The following ADPRM variants were observed in gnomAD, a reference collection of about 807,000 sequenced individuals.
ADPRM encodes the protein ADP-ribose/CDP-alcohol diphosphatase, manganese dependent.
Under a neutral mutation model 27.2 loss-of-function variants are expected in ADPRM, and 17 were observed. That is an observed-to-expected ratio of 0.63 (90% confidence interval 0.43 to 0.94). The LOEUF is 0.94. Among genes scored for constraint, ADPRM ranks in the 40% least tolerant of loss-of-function variants. The pLI, the probability that ADPRM is intolerant of heterozygous loss-of-function variation, is 0.00. For synonymous variants in ADPRM, 135 were observed against 145.3 expected (o/e 0.93, Z 0.51); for missense variants, 337 against 412.8 (o/e 0.82, Z 1.59).
rs1454657635 is a variant in ADPRM, at chr17:10,702,531, A to G, written c.-17-2379A>G. ...TGTTTTCAGAAATCTCCATCTTTCCATCATTCAGAATTGTTTCTTTCTATG... is the reference window on the plus strand; with the variant it reads ...TGTTTTCAGAAATCTCCATCTTTCCGTCATTCAGAATTGTTTCTTTCTATG... On this transcript the variant is annotated intron_variant, in intron 1 of 3. Transcript: ENST00000379774. The surrounding 1 kb of genome is among the most constrained non-coding windows in gnomAD (Gnocchi z 4.2). 6.6e-6 allele frequency among the ~76,000 whole-genome samples: 1 copy of G among 152,190 alleles called. No individual in the cohort carries two copies. The highest frequency in any genetic ancestry group is 2.4e-5 in the African/African-American group (1 of 41,448).
Position 10,711,510 on chromosome 17 carries a change from T to A in ADPRM, c.*366T>A, listed in dbSNP as rs2074853218. Among the ~76,000 whole-genome samples the A allele has an allele frequency of 6.6e-6, 1 of 152,258 alleles. No homozygotes were observed. Among genetic ancestry groups the A allele is most frequent in the Non-Finnish European group, 1.5e-5 (1 of 68,044 alleles). On this transcript the variant is annotated 3_prime_UTR_variant, in exon 4 of 4. Transcript: ENST00000379774. ...CAGCATATAAGCTCAGGTAAGCTTT[T>A]TCTATTCACCCTGCTGTGTAAATGA...
chr17:10,710,720 A>G, intron 3 of ADPRM, 114 bp from the exon 4 acceptor site: 1 of 895,166 alleles, frequency 1.1e-6, no homozygotes, highest in Non-Finnish European at 1.6e-6. Context: ...GTTCATTTGC[A>G]TAATGAGATA....
At chr17:10,700,793 T>C (rs912489571) in intron 1 of ADPRM, among the ~76,000 whole-genome samples, 2 of 151,532 alleles carry the variant, frequency 1.3e-5, no homozygotes, top group Admixed American at 1.3e-4. Context: ...AAATCTCTCA[T>C]GCCTAAGGTA....
At chr17:10,704,193 C>CAAAAA (rs60696958) in intron 1 of ADPRM, among the ~76,000 whole-genome samples, 8,365 of 151,808 alleles carry the variant, frequency 0.055, 764 homozygotes, top group African/African-American at 0.19. Flanking sequence ...AAAACAAAAA[C>CAAAAA]CACAAACAAA....
At chr17:10,707,460 T>C (rs184425401) in intron 3 of ADPRM, among the ~76,000 whole-genome samples, 1 of 152,346 alleles carries the variant, frequency 6.6e-6, no homozygotes, top group East Asian at 1.9e-4. Flanking sequence ...GAATCCAGGT[T>C]GCAATCAGCT....
At chr17:10,699,352 T>TA (rs993421382) in intron 1 of ADPRM, 1 of 152,106 alleles carries the variant, frequency 6.6e-6, no homozygotes, top group African/African-American at 2.4e-5. Flanking sequence ...GAATTGCTAG[T>TA]AACACCTGAG....
chr17:10,703,587 T>C (rs1407112360), intron 1 of ADPRM, among the ~76,000 whole-genome samples: 1 of 152,200 alleles, frequency 6.6e-6, no homozygotes, highest in African/African-American at 2.4e-5. Flanking sequence ...CTTATTCCAA[T>C]TGTGGAGTTG....
At chr17:10,704,744 G>A (rs1490377742) in intron 1 of ADPRM, among the ~76,000 whole-genome samples, 166 bp from the exon 2 acceptor site, 3 of 152,156 alleles carry the variant, frequency 2.0e-5, no homozygotes, top group Non-Finnish European at 2.9e-5. Context: ...GTTTTAGAGG[G>A]TTAGTAGTTT....
chr17:10,711,336 C>A lies in ADPRM; in HGVS notation c.*192C>A, dbSNP rs551768488. 11 of 588,662 alleles carry A rather than the reference C, an allele frequency of 1.9e-5. No individual in the cohort carries two copies. The Admixed American group carries it at 2.5e-4, about 13-fold the overall frequency. 36.5% of individuals were successfully genotyped at this position (588,662 alleles called of 1,614,324 possible). A position where few individuals can be genotyped will look rare whatever the true frequency, so the allele number is the denominator to read the frequency against. The stretch of plus-strand genomic sequence containing the variant: ...TCATGTATCCATTGTAAGTTAGAAA[C>A]AAACCAGGGAGGAAACTGAGGCAGG... On this transcript the variant is annotated 3_prime_UTR_variant, in exon 4 of 4. Coordinates refer to ENST00000379774, the MANE Select transcript of ADPRM (RefSeq NM_020233.5).
At chr17:10,704,854 G>A in intron 1 of ADPRM, 56 bp from the exon 2 acceptor site, 2 of 1,356,792 alleles carry the variant, frequency 1.5e-6, no homozygotes, top group South Asian at 1.4e-5. Flanking sequence ...TTTCTTAAGT[G>A]AAATTGGGAA....
At chr17:10,699,409 A>C (rs957875803) in intron 1 of ADPRM, 1 of 152,174 alleles carries the variant, frequency 6.6e-6, no homozygotes, top group African/African-American at 2.4e-5. Flanking sequence ...AGGCGCCTAC[A>C]GTGTTATCCC....
intron 1 of ADPRM, among the ~76,000 whole-genome samples, chr17:10,700,593 G>C (rs541035826): frequency 5.2e-4 from 57 of 110,430 alleles, no homozygotes; most frequent in Non-Finnish European, 7.9e-4. Context: ...CTCTACAAAA[G>C]AAAAAAAAAA....
chr17:10,699,787 C>T (rs1230383154), intron 1 of ADPRM, among the ~76,000 whole-genome samples: 1 of 152,146 alleles, frequency 6.6e-6, no homozygotes, highest in African/African-American at 2.4e-5. Flanking sequence ...CCGCCTCGGC[C>T]TCCCAAAGTG....
At chr17:10,698,578 A>G (rs2074752177) in intron 1 of ADPRM, among the ~76,000 whole-genome samples, 1 of 152,180 alleles carries the variant, frequency 6.6e-6, no homozygotes, top group Admixed American at 6.5e-5. Flanking sequence ...GACTCTGAGT[A>G]GGAGAAACTC....
intron 1 of ADPRM, among the ~76,000 whole-genome samples, chr17:10,698,694 T>C (rs940592965): frequency 6.6e-6 from 1 of 152,226 alleles, no homozygotes. Flanking sequence ...CGGAACATAG[T>C]GTTACCTGTG....
Position 10,705,212 on chromosome 17 carries a change from A to G in ADPRM, c.286A>G (p.Met96Val), listed in dbSNP as rs145477522. 3.3e-3 allele frequency: 5,323 copies of G among 1,614,132 alleles called. 26 individuals carry two copies. Among genetic ancestry groups the G allele is most frequent in the Non-Finnish European group, 3.3e-3 (3,894 of 1,180,012 alleles). ...SKKSLELVMD[M>V]FKRLKVPVHH... The stretch of plus-strand genomic sequence containing the variant: ...AAAGTCCCTAGAACTTGTTATGGAC[A>G]TGTTCAAGAGGCTTAAAGTTCCAGT... The change falls in exon 2 of 4, where the codon ATG becomes GTG. Residue 96 changes from methionine (M) to valine (V), a missense_variant. Transcript: ENST00000379774. This position sits in a 1 kb window ranked among gnomAD's most constrained non-coding sequence, Gnocchi z 5.4.
At position 10,710,928 on chromosome 17, in the gene ADPRM, G is replaced by C. The variant is rs752410674; in HGVS notation, c.813G>C (p.Val271=). 58 of 1,614,000 alleles carry C rather than the reference G, an allele frequency of 3.6e-5. No individual in the cohort carries two copies. The highest frequency in any genetic ancestry group is 1.8e-5 in the Non-Finnish European group (21 of 1,180,018). ...ALAVIWSHEC[V]VCFFAGHTHD... ...CAGTCATTTGGTCTCATGAGTGTGT[G>C]GTGTGTTTCTTTGCTGGTCACACCC... is the stretch of plus-strand genomic sequence containing the variant. Residue 271 remains valine, a synonymous_variant, in exon 4 of 4, where the codon GTG becomes GTC. Coordinates refer to ENST00000379774, the MANE Select transcript of ADPRM (RefSeq NM_020233.5).
At chr17:10,700,150 CT>C (rs1331779323) in intron 1 of ADPRM, among the ~76,000 whole-genome samples, 1 of 152,176 alleles carries the variant, frequency 6.6e-6, no homozygotes. Context: ...ATAGTTTCTC[CT>C]AACAAAGTCT....
rs1353662624 is a variant in ADPRM, at chr17:10,702,187, C to T, written c.-17-2723C>T. ...AGCATTTTGGATAAGGAGATACTAA[C>T]CTTATTTTTAAAAGCCATGTATATT... On this transcript the variant is annotated intron_variant, in intron 1 of 3. Coordinates refer to ENST00000379774, the MANE Select transcript of ADPRM (RefSeq NM_020233.5). The surrounding 1 kb of genome is among the most constrained non-coding windows in gnomAD (Gnocchi z 4.2). Among the ~76,000 whole-genome samples, 1 of 152,178 alleles carries T rather than the reference C, an allele frequency of 6.6e-6. No individual in the cohort carries two copies. The highest frequency in any genetic ancestry group is 1.9e-4 in the East Asian group (1 of 5,188).
Sources: gnomAD v4.1 joint callset for allele counts (sites outside exome capture counted in the v4.1 genomes callset) on GRCh38, gnomAD v4.1.1 for gene constraint, Gnocchi (gnomAD v3.1) non-coding constraint, MANE v1.5 for transcripts, NCBI Gene and HGNC (gene_info 2026-07-23, HGNC 2026-07-21) for gene names.